Variants in TENM2 observed in about 807,000 individuals in gnomAD.
TENM2 encodes the protein teneurin-2.
In TENM2, 52 loss-of-function variants were observed where a neutral mutation model predicts 245.2. The observed-to-expected ratio is 0.21, with a 90% CI of 0.17 to 0.27. The LOEUF is 0.27. Ranked by LOEUF, TENM2 falls within the 10% of genes least tolerant of loss-of-function variation. The pLI, the probability that TENM2 is intolerant of heterozygous loss-of-function variation, is 1.00. For missense variants in TENM2, 3,046 were observed against 3,666.8 expected (o/e 0.83, Z 4.37); for synonymous variants, 1,363 against 1,438.9 (o/e 0.95, Z 1.19).
chr5:167,711,573 A>G (rs10079574), intron 2 of TENM2, among the ~76,000 whole-genome samples: 1 of 152,058 alleles, frequency 6.6e-6, no homozygotes, highest in South Asian at 2.1e-4. Flanking sequence ...CTTGCCAATC[A>G]CATCCCTTAC....
chr5:167,858,656 C>T (rs1293562715), intron 2 of TENM2, among the ~76,000 whole-genome samples: 4 of 151,582 alleles, frequency 2.6e-5, no homozygotes, highest in African/African-American at 4.8e-5. Context: ...AGTGCGGAGC[C>T]GGGACAGTCG....
At chr5:168,025,229 G>C (rs1786498456) in intron 5 of TENM2, among the ~76,000 whole-genome samples, 1 of 152,196 alleles carries the variant, frequency 6.6e-6, no homozygotes, top group Admixed American at 6.5e-5. Context: ...GATGTGATCA[G>C]GTTTCTGAAA....
At chr5:167,215,652 T>C in the TENM2 span, among the ~76,000 whole-genome samples, 1 of 152,112 alleles carries the variant, frequency 6.6e-6, no homozygotes, top group Non-Finnish European at 1.5e-5. Context: ...GTCCAATGTC[T>C]TACATTACAG....
chr5:168,208,680 C>G (rs1386161172), intron 19 of TENM2, among the ~76,000 whole-genome samples: 1 of 152,202 alleles, frequency 6.6e-6, no homozygotes, highest in Non-Finnish European at 1.5e-5. Flanking sequence ...ATGAAGCACT[C>G]AATCCCGAAT....
rs147187716 is a variant in TENM2, at chr5:168,256,657, G to A, written c.7433-3626G>A. On this transcript the variant is annotated intron_variant, in intron 27 of 28. Transcript: ENST00000518659. ...CCAGGCTGGTCTTGAACTCCTGACC[G>A]CAGGTGATCCACCCGCCTCGGCCTC... 8.4e-3 allele frequency among the ~76,000 whole-genome samples: 1,282 copies of A among 151,924 alleles called. 23 individuals carry two copies. The highest frequency in any genetic ancestry group is 0.029 in the African/African-American group (1,210 of 41,430).
At chr5:168,015,262 T>G (rs1388442158) in intron 5 of TENM2, among the ~76,000 whole-genome samples, 4 of 152,188 alleles carry the variant, frequency 2.6e-5, no homozygotes, top group Non-Finnish European at 5.9e-5. Flanking sequence ...AAATCATGCT[T>G]TATGTTTGAG....
the TENM2 span, among the ~76,000 whole-genome samples, chr5:167,223,420 A>G: frequency 2.2e-4 from 34 of 152,036 alleles, no homozygotes; most frequent in Non-Finnish European, 5.0e-4. Flanking sequence ...TAGCTCCCAC[A>G]TATGAGCGGG....
At chr5:167,291,967 C>CA (rs1158022306) in intron 1 of TENM2, among the ~76,000 whole-genome samples, 1 of 152,138 alleles carries the variant, frequency 6.6e-6, no homozygotes, top group Non-Finnish European at 1.5e-5. Flanking sequence ...GGAGGCCTCA[C>CA]AATCATGGTA....
chr5:167,190,171 A>T, the TENM2 span, among the ~76,000 whole-genome samples: 3 of 152,246 alleles, frequency 2.0e-5, no homozygotes, highest in East Asian at 5.8e-4. Flanking sequence ...ACAGCCCTCC[A>T]TTGACAAGAG....
At chr5:167,256,916 G>A in the TENM2 span, among the ~76,000 whole-genome samples, 1 of 152,122 alleles carries the variant, frequency 6.6e-6, no homozygotes, top group African/African-American at 2.4e-5. Context: ...CAACTTATAG[G>A]AAGTTTTGCT....
chr5:167,871,273 C>T (rs918680329), intron 2 of TENM2, among the ~76,000 whole-genome samples: 6 of 152,142 alleles, frequency 3.9e-5, no homozygotes, highest in South Asian at 2.1e-4. Flanking sequence ...CCCCACTCCA[C>T]GTCCATGAAA....
chr5:167,510,056 G>A (rs1044721211), intron 2 of TENM2, among the ~76,000 whole-genome samples: 7 of 152,088 alleles, frequency 4.6e-5, no homozygotes, highest in East Asian at 1.9e-4. Context: ...ATCTCCATCC[G>A]TCATATAGAT....
chr5:167,956,217 TTC>T (rs1204803465), intron 4 of TENM2, among the ~76,000 whole-genome samples: 1 of 152,208 alleles, frequency 6.6e-6, no homozygotes, highest in Non-Finnish European at 1.5e-5. Context: ...AGGTATTTTA[TTC>T]TCTTTGTAGC....
chr5:167,560,739 C>T (rs883323), intron 2 of TENM2, among the ~76,000 whole-genome samples: 84,486 of 152,126 alleles, frequency 0.56, 24,137 homozygotes, highest in Middle Eastern at 0.65. Flanking sequence ...TTAGCTACTA[C>T]TATATGAATT....
chr5:167,230,114 C>T, the TENM2 span, among the ~76,000 whole-genome samples: 2 of 152,116 alleles, frequency 1.3e-5, no homozygotes, highest in Admixed American at 6.5e-5. Context: ...TGGCACTGTG[C>T]TGCCACTGCT....
intron 2 of TENM2, among the ~76,000 whole-genome samples, chr5:167,743,186 A>G (rs1345043276): frequency 1.3e-5 from 2 of 152,176 alleles, no homozygotes; most frequent in African/African-American, 4.8e-5. Flanking sequence ...TAAAAGTCCA[A>G]TAGTTGTTGA....
chr5:167,710,811 A>G, intron 2 of TENM2, among the ~76,000 whole-genome samples: 1 of 152,236 alleles, frequency 6.6e-6, no homozygotes, highest in Non-Finnish European at 1.5e-5. Flanking sequence ...GTGGTATGAC[A>G]GAAATGCACA....
At chr5:167,263,782 T>C in the TENM2 span, among the ~76,000 whole-genome samples, 1 of 151,910 alleles carries the variant, frequency 6.6e-6, no homozygotes, top group African/African-American at 2.4e-5. Context: ...TAGCTGGGAC[T>C]ACATCAAACA....
At chr5:167,862,357 A>G (rs1421750406) in intron 2 of TENM2, among the ~76,000 whole-genome samples, 2 of 152,106 alleles carry the variant, frequency 1.3e-5, no homozygotes, top group Non-Finnish European at 2.9e-5. Context: ...CCAGCATACC[A>G]CTAGGCTCCG....
Sources: allele counts gnomAD v4.1 joint callset (sites outside exome capture counted in the v4.1 genomes callset), GRCh38; gene constraint gnomAD v4.1.1; transcripts MANE v1.5; gene names NCBI Gene and HGNC (gene_info 2026-07-23, HGNC 2026-07-21).